Variants in PRR5 observed in about 807,000 individuals in gnomAD.
PRR5 encodes the protein proline rich 5.
A neutral mutation model predicts 30.6 loss-of-function variants in PRR5; 25 were observed. The observed-to-expected ratio is 0.82, with a 90% confidence interval of 0.60 to 1.14. The LOEUF (loss-of-function observed/expected upper bound fraction) is 1.14. PRR5 is among the 50% of genes most tolerant of loss of function. The pLI, the probability that PRR5 is intolerant of heterozygous loss-of-function variation, is 0.00. For missense variants in PRR5, 600 were observed against 547.1 expected (o/e 1.10, Z -0.96); for synonymous variants, 286 against 247.1 (o/e 1.16, Z -1.48).
intron 1 of PRR5, among the ~76,000 whole-genome samples, chr22:44,669,078 C>A (rs1381566100): frequency 1.3e-5 from 2 of 150,074 alleles, no homozygotes; most frequent in African/African-American, 2.4e-5. Flanking sequence ...CGGGACCTCC[C>A]GAGCTCGTTC....
chr22:44,714,496 CTT>C, intron 1 of PRR5, 93 bp from the exon 2 acceptor site: 2 of 1,534,474 alleles, frequency 1.3e-6, no homozygotes, highest in Non-Finnish European at 1.8e-6. Context: ...CTATCCTGCC[CTT>C]CTAGGAGAGA....
chr22:44,729,278 C>A (rs1331118217), intron 4 of PRR5: 1 of 931,242 alleles, frequency 1.1e-6, no homozygotes, highest in African/African-American at 1.8e-5. Context: ...GTTCCTGAGT[C>A]TCCCGACGGG....
intron 1 of PRR5, among the ~76,000 whole-genome samples, chr22:44,692,798 C>T (rs997440111): frequency 2.6e-5 from 4 of 152,202 alleles, no homozygotes; most frequent in Admixed American, 2.6e-4. Flanking sequence ...GTCTGCAGAG[C>T]GGGGATGTTC....
At chr22:44,729,471 A>G in intron 4 of PRR5, 1 of 985,572 alleles carries the variant, frequency 1.0e-6, no homozygotes, top group Non-Finnish European at 1.2e-6. Context: ...GCTGGAGCCA[A>G]GGTACGGCGC....
intron 6 of PRR5, 151 bp from the exon 7 acceptor site, chr22:44,734,876 G>C: frequency 8.9e-7 from 1 of 1,117,954 alleles, no homozygotes. Flanking sequence ...GGAGGCCACC[G>C]TGGGCCCTGC....
At chr22:44,679,751 T>C (rs1924091914) in intron 1 of PRR5, 1 of 1,482,966 alleles carries the variant, frequency 6.7e-7, no homozygotes, top group Admixed American at 2.0e-5. Context: ...GCCTCCCCGC[T>C]CTGGGACACT....
chr22:44,688,447 T>A (rs988438787), intron 1 of PRR5, among the ~76,000 whole-genome samples: 3 of 152,110 alleles, frequency 2.0e-5, no homozygotes, highest in African/African-American at 7.2e-5. Context: ...TAGTAGAGCA[T>A]AATAGTTAAG....
At chr22:44,707,255 T>C (rs1440057781) in intron 1 of PRR5, among the ~76,000 whole-genome samples, 2 of 152,208 alleles carry the variant, frequency 1.3e-5, no homozygotes, top group Non-Finnish European at 2.9e-5. Context: ...AGGTGTACTT[T>C]CACATCTTCC....
intron 4 of PRR5, chr22:44,730,442 GCCAAGGGTT>G: frequency 3.0e-6 from 3 of 985,428 alleles, no homozygotes; most frequent in African/African-American, 1.7e-5. Flanking sequence ...AGGCAGAAAG[GCCAAGGGTT>G]CTTCACGTTG....
intron 1 of PRR5, chr22:44,668,923 GGCGCGCGCGTGTGTGTGCGCGCGTAGGT>G (rs1923249429): frequency 6.6e-6 from 1 of 150,482 alleles, no homozygotes; most frequent in Admixed American, 6.6e-5. Context: ...CCGGCGGAGC[GGCGCGCGCGTGTGTGTGCGCGCGTAGGT>G]GCGCGCGCGC....
intron 1 of PRR5, among the ~76,000 whole-genome samples, chr22:44,687,836 G>A (rs1031568193): frequency 3.9e-5 from 6 of 151,988 alleles, no homozygotes; most frequent in East Asian, 2.0e-4. Flanking sequence ...GTGCATTGGC[G>A]CGATCTCGGC....
upstream of PRR5, among the ~76,000 whole-genome samples, chr22:44,699,186 A>G (rs1222011061): frequency 6.6e-6 from 1 of 152,124 alleles, no homozygotes; most frequent in Non-Finnish European, 1.5e-5. Context: ...CCAGATGCCT[A>G]CAGCATTCCC....
chr22:44,695,309 G>A (rs1925645302), intron 1 of PRR5, among the ~76,000 whole-genome samples: 1 of 152,188 alleles, frequency 6.6e-6, no homozygotes, highest in Non-Finnish European at 1.5e-5. Context: ...AAAGACAAAG[G>A]TTTTTAAAGG....
At chr22:44,670,696 G>C (rs1923374994) in intron 1 of PRR5, among the ~76,000 whole-genome samples, 1 of 152,106 alleles carries the variant, frequency 6.6e-6, no homozygotes, top group African/African-American at 2.4e-5. Flanking sequence ...TGAGCTAATG[G>C]GTTTTTTGTT....
chr22:44,725,437 A>T, intron 3 of PRR5, 145 bp downstream of exon 3: 1 of 1,072,290 alleles, frequency 9.3e-7, no homozygotes. Context: ...TTCCTTATCT[A>T]GCCACGTGGA....
intron 1 of PRR5, among the ~76,000 whole-genome samples, chr22:44,689,236 A>G (rs1925026814): frequency 6.6e-6 from 1 of 152,168 alleles, no homozygotes; most frequent in Non-Finnish European, 1.5e-5. Flanking sequence ...ACCTTACCGG[A>G]TCCTGCCCAC....
rs1926447729 is a variant in PRR5 at position 44,702,328 on chromosome 22, G to A, written c.-147G>A. 1 of 1,152,868 alleles carries A rather than the reference G, an allele frequency of 8.7e-7. No homozygotes were observed. The highest frequency in any genetic ancestry group is 1.1e-6 in the Non-Finnish European group (1 of 930,996). 71.4% of individuals were successfully genotyped at this position (1,152,868 alleles called of 1,614,324 possible). ...CCCGAGACGGAGGCGCGGGGCCGGG[G>A]CGGGACCCCGCAGGACCGCTCGGCT... On this transcript the variant is annotated 5_prime_UTR_variant, in exon 1 of 8. Coordinates refer to ENST00000336985, the MANE Select transcript of PRR5 (RefSeq NM_181333.4).
At chr22:44,670,886 T>C (rs1923388141) in intron 1 of PRR5, among the ~76,000 whole-genome samples, 1 of 152,114 alleles carries the variant, frequency 6.6e-6, no homozygotes, top group Admixed American at 6.5e-5. Context: ...TGCCGCAAGT[T>C]GTGGACATTT....
At chr22:44,694,143 G>C (rs938018179) in intron 1 of PRR5, among the ~76,000 whole-genome samples, 2 of 152,186 alleles carry the variant, frequency 1.3e-5, no homozygotes, top group African/African-American at 4.8e-5. Flanking sequence ...GGGCCAGCAC[G>C]TCATTGTCAG....
Sources: allele counts gnomAD v4.1 joint callset (sites outside exome capture counted in the v4.1 genomes callset), GRCh38; gene constraint gnomAD v4.1.1; transcripts MANE v1.5; gene names NCBI Gene and HGNC (gene_info 2026-07-23, HGNC 2026-07-21).